Variants in EXT1 observed in about 807,000 individuals in gnomAD.
EXT1 encodes the protein exostosin-1.
In EXT1, 20 loss-of-function variants were observed where a neutral mutation model predicts 82.5. The observed-to-expected ratio is 0.24, with a 90% confidence interval of 0.17 to 0.35. EXT1 has a LOEUF of 0.35. EXT1 is among the 10% of genes least tolerant of loss of function. The pLI is 1.00. For missense variants in EXT1, 757 were observed against 936.5 expected, an observed-to-expected ratio of 0.81 and a Z score of 2.50; for synonymous variants, 348 against 350.8, an observed-to-expected ratio of 0.99 and a Z score of 0.09.
chr8:117,925,368 A>AC (rs1813933703), intron 1 of EXT1, among the ~76,000 whole-genome samples: 2 of 151,984 alleles, frequency 1.3e-5, no homozygotes, highest in Non-Finnish European at 2.9e-5. Context: ...TCAAAAAAAA[A>AC]AAACAAACCT....
At chr8:117,848,728 A>T (rs551101614) in intron 1 of EXT1, among the ~76,000 whole-genome samples, 11 of 152,200 alleles carry the variant, frequency 7.2e-5, no homozygotes, top group African/African-American at 2.6e-4. Flanking sequence ...CCTTCTTCCT[A>T]TACCTCCTTA....
chr8:118,018,583 T>G (rs999172667), intron 1 of EXT1, among the ~76,000 whole-genome samples: 1 of 152,210 alleles, frequency 6.6e-6, no homozygotes, highest in Non-Finnish European at 1.5e-5. Context: ...CCTAGGAAAC[T>G]AATACAGTGT....
intron 1 of EXT1, among the ~76,000 whole-genome samples, chr8:118,078,065 A>C (rs560238026): frequency 3.9e-4 from 60 of 152,102 alleles, no homozygotes; most frequent in African/African-American, 5.6e-4. Context: ...CCATTTTTTA[A>C]AACAAATTTT....
chr8:118,017,262 T>C (rs1282299950), intron 1 of EXT1, among the ~76,000 whole-genome samples: 1 of 152,200 alleles, frequency 6.6e-6, no homozygotes, highest in East Asian at 1.9e-4. Flanking sequence ...TTAGGCTAAT[T>C]AAAAAGCTTG....
chr8:117,869,617 A>G (rs1159456286), intron 1 of EXT1, among the ~76,000 whole-genome samples: 2 of 150,432 alleles, frequency 1.3e-5, no homozygotes, highest in Non-Finnish European at 3.0e-5. Context: ...TTCATTCTCA[A>G]TATAACTTAT....
At chr8:117,996,485 G>A (rs1434628199) in intron 1 of EXT1, among the ~76,000 whole-genome samples, 5 of 152,138 alleles carry the variant, frequency 3.3e-5, no homozygotes, top group East Asian at 1.9e-4. Context: ...CAGACACAAC[G>A]CTGCTTCAGA....
Position 117,889,644 on chromosome 8 carries a change from C to T in EXT1, c.963-52443G>A, listed in dbSNP as rs181599486. Among the ~76,000 whole-genome samples the T allele has an allele frequency of 3.3e-4, 50 of 152,228 alleles. 1 individual carries two copies. Among genetic ancestry groups the T allele is most frequent in the African/African-American group, 1.1e-3 (45 of 41,528 alleles). ...AATTTTAGTCATCAGCATGGCTATA[C>T]ACAGAAAAAGTGCCTCATATACCTG... On this transcript the variant is annotated intron_variant, in intron 1 of 10. Transcript: ENST00000378204.
chr8:117,917,717 T>C (rs868047970), intron 1 of EXT1, among the ~76,000 whole-genome samples: 5 of 152,284 alleles, frequency 3.3e-5, no homozygotes, highest in Middle Eastern at 3.4e-3. Context: ...TGGTCTCCAC[T>C]GTAGAGAAGA....
At chr8:117,807,517 T>G in intron 8 of EXT1, 140 bp from the exon 9 acceptor site, 2 of 924,052 alleles carry the variant, frequency 2.2e-6, no homozygotes, top group Non-Finnish European at 3.4e-6. Flanking sequence ...ATCAGCAAAT[T>G]AAACTGACTG....
chr8:117,883,381 T>A (rs1813094805), intron 1 of EXT1, among the ~76,000 whole-genome samples: 1 of 152,222 alleles, frequency 6.6e-6, no homozygotes. Context: ...ACACTGCAAT[T>A]CTTGAGATTA....
chr8:117,812,949 G>A lies in EXT1; in HGVS notation c.1645C>T (p.Arg549Cys), dbSNP rs770038045. The change falls in exon 8 of 11, where the codon CGT (arginine) becomes TGT (cysteine). Residue 549 changes from arginine (R) to cysteine (C), a missense_variant. By Grantham distance (180) the Arg-to-Cys change is radical. Transcript: ENST00000378204. Reference sequence around the variant, plus strand: ...ATGATGTTGTCGTAGGGCAGAAAACGGCTGCTCATAACCTGGGAGGAAGTA... The same window carrying A: ...ATGATGTTGTCGTAGGGCAGAAAACAGCTGCTCATAACCTGGGAGGAAGTA... ...IEGESKVMSS[R>C]FLPYDNIITD... 4.3e-6 allele frequency: 7 copies of A among 1,613,614 alleles called. No individual in the cohort carries two copies. The highest frequency in any genetic ancestry group is 1.1e-5 in the South Asian group (1 of 90,982).
chr8:117,799,928 A>G, intron 10 of EXT1, 31 bp from the exon 11 acceptor site: 1 of 1,609,690 alleles, frequency 6.2e-7, no homozygotes, highest in African/African-American at 1.3e-5. Flanking sequence ...AAGGATAATG[A>G]TGAGAGAAGT....
At chr8:117,823,232 G>A (rs1362732878) in intron 4 of EXT1, among the ~76,000 whole-genome samples, 1 of 152,008 alleles carries the variant, frequency 6.6e-6, no homozygotes, top group East Asian at 1.9e-4. Flanking sequence ...TACATAATAG[G>A]ACAAGAACCA....
Position 117,867,260 on chromosome 8 carries a change from G to GAAAAAAAAAAAAAAA in EXT1, c.963-30060_963-30059insTTTTTTTTTTTTTTT, listed in dbSNP as rs372575361. On this transcript the variant is annotated intron_variant, in intron 1 of 10. Transcript: ENST00000378204. ...GGCGACAGAGTGAGACTCCACCTCA[G>GAAAAAAAAAAAAAAA]AAAAAAAAAAAAAGCTTGAGGAAAT... Among the ~76,000 whole-genome samples, 207 of 98,856 alleles carry GAAAAAAAAAAAAAAA rather than the reference G, an allele frequency of 2.1e-3. 16 individuals carry two copies. The highest frequency in any genetic ancestry group is 3.8e-3 in the African/African-American group (95 of 24,732). The allele number at this position is 98,856 out of a possible 152,430, so 64.9% of individuals were successfully genotyped here.
intron 1 of EXT1, among the ~76,000 whole-genome samples, chr8:117,849,928 G>C (rs1379136011): frequency 6.6e-6 from 1 of 152,158 alleles, no homozygotes; most frequent in East Asian, 1.9e-4. Context: ...CAGAAGTATA[G>C]ATCATTTTCC....
intron 1 of EXT1, among the ~76,000 whole-genome samples, chr8:117,967,632 G>A (rs984646051): frequency 3.3e-5 from 5 of 152,168 alleles, no homozygotes; most frequent in African/African-American, 1.2e-4. Context: ...AAAGTCAAAT[G>A]AGATGAGCAC....
chr8:117,835,143 G>T (rs896755855), intron 3 of EXT1, among the ~76,000 whole-genome samples: 1 of 152,174 alleles, frequency 6.6e-6, no homozygotes. Context: ...AAAACTCTCT[G>T]GTAATATTTC....
intron 1 of EXT1, among the ~76,000 whole-genome samples, chr8:117,963,594 G>A (rs906408373): frequency 2.6e-5 from 4 of 152,066 alleles, no homozygotes; most frequent in Admixed American, 6.6e-5. Flanking sequence ...GGGTTCAAGC[G>A]ATTCTCTTGC....
intron 1 of EXT1, among the ~76,000 whole-genome samples, chr8:118,034,982 G>C (rs990962763): frequency 2.0e-5 from 3 of 152,106 alleles, no homozygotes; most frequent in Non-Finnish European, 4.4e-5. Context: ...AGCTAAATTA[G>C]AAATTAAAAA....
Sources: allele counts gnomAD v4.1 joint callset (sites outside exome capture counted in the v4.1 genomes callset), GRCh38; gene constraint gnomAD v4.1.1; transcripts MANE v1.5; gene names NCBI Gene and HGNC (gene_info 2026-07-23, HGNC 2026-07-21).